Variants in TARBP1 observed in about 807,000 individuals in gnomAD.
TARBP1 encodes the protein tRNA guanosine 2 -O-methyltransferase TARBP1.
Under a neutral mutation model 178.6 loss-of-function variants are expected in TARBP1, and 144 were observed. The observed-to-expected ratio is 0.81, with a 90% CI of 0.70 to 0.93. TARBP1 has a LOEUF of 0.93. TARBP1 is among the 40% of genes least tolerant of loss of function. The probability of loss-of-function intolerance (pLI) is 0.00; values close to 1 mark genes in which losing one functional copy is unlikely to be tolerated. For synonymous variants in TARBP1, 787 were observed against 781.0 expected, an observed-to-expected ratio of 1.01 and a Z score of -0.13; for missense variants, 2,067 against 2,011.7, an observed-to-expected ratio of 1.03 and a Z score of -0.53.
chr1:234,468,175 A>T (rs1187390064), intron 3 of TARBP1, among the ~76,000 whole-genome samples: 2 of 151,956 alleles, frequency 1.3e-5, no homozygotes, highest in Non-Finnish European at 2.9e-5. Context: ...TAAATGGGCC[A>T]GGCATGGTGG....
At chr1:234,443,622 G>C (rs4920243) in intron 12 of TARBP1, among the ~76,000 whole-genome samples, 1 of 151,828 alleles carries the variant, frequency 6.6e-6, no homozygotes, top group Admixed American at 6.6e-5. Flanking sequence ...ACTTCCAAGA[G>C]AATTGAAAGC....
chr1:234,466,580 A>AAGAAGC (rs896317992), intron 4 of TARBP1, among the ~76,000 whole-genome samples: 10 of 150,498 alleles, frequency 6.6e-5, no homozygotes, highest in East Asian at 2.0e-4. Flanking sequence ...GAAGAAGAAG[A>AAGAAGC]AGCCAGGCAC....
At chr1:234,462,587 G>A (rs929592805) in intron 6 of TARBP1, among the ~76,000 whole-genome samples, 2 of 151,424 alleles carry the variant, frequency 1.3e-5, no homozygotes, top group African/African-American at 4.9e-5. Flanking sequence ...TACTCGGGAG[G>A]CTGAGGCAGG....
At chr1:234,429,086 G>A in intron 17 of TARBP1, 50 bp downstream of exon 17, 1 of 1,465,280 alleles carries the variant, frequency 6.8e-7, no homozygotes, top group South Asian at 1.5e-5. Flanking sequence ...CTCATGTGCT[G>A]AAGCTCACAC....
intron 19 of TARBP1, among the ~76,000 whole-genome samples, chr1:234,426,719 A>C (rs1332317136): frequency 6.6e-6 from 1 of 152,232 alleles, no homozygotes; most frequent in African/African-American, 2.4e-5. Context: ...GCTATTTGAC[A>C]AGCTCCAAAA....
chr1:234,451,494 T>A lies in TARBP1; in HGVS notation c.1723-928A>T, dbSNP rs2103226021. The stretch of plus-strand genomic sequence containing the variant: ...CGGGCGCGGTGGCTCACGCCTGTAA[T>A]CCCAGCACTTTGGGAGGCCGAGGCG... On this transcript the variant is annotated intron_variant, in intron 9 of 29. Coordinates refer to ENST00000040877, the MANE Select transcript of TARBP1 (RefSeq NM_005646.4). Among the ~76,000 whole-genome samples the A allele has an allele frequency of 1.2e-4, 4 of 34,370 alleles. 1 individual carries two copies. The highest frequency in any genetic ancestry group is 9.1e-4 in the African/African-American group (3 of 3,308). The allele number at this position is 34,370 out of a possible 152,430, so 22.5% of individuals were successfully genotyped here.
chr1:234,427,824 T>TGGCCGGGCGCGGTG, intron 17 of TARBP1, 58 bp from the exon 18 acceptor site: 1 of 1,228,252 alleles, frequency 8.1e-7, no homozygotes, highest in Non-Finnish European at 1.1e-6. Flanking sequence ...AAATCAGTGC[T>TGGCCGGGCGCGGTG]GCTAAAAACT....
chr1:234,391,852 C>T (rs1314042207), intron 29 of TARBP1, 107 bp from the exon 30 acceptor site: 2 of 1,149,840 alleles, frequency 1.7e-6, no homozygotes, highest in African/African-American at 3.2e-5. Context: ...CTTTGATATT[C>T]TGAATGTTAC....
At chr1:234,408,652 C>G (rs1002698749) in intron 23 of TARBP1, among the ~76,000 whole-genome samples, 1 of 152,086 alleles carries the variant, frequency 6.6e-6, no homozygotes. Flanking sequence ...CTCGTGGCCC[C>G]CACCCTGGAA....
At chr1:234,461,781 A>G (rs963918230) in intron 6 of TARBP1, among the ~76,000 whole-genome samples, 4 of 152,162 alleles carry the variant, frequency 2.6e-5, no homozygotes, top group Non-Finnish European at 5.9e-5. Context: ...TTATATTTCT[A>G]TTTTGAGATA....
chr1:234,408,078 G>A (rs1333256225), intron 23 of TARBP1: 3 of 152,120 alleles, frequency 2.0e-5, no homozygotes, highest in African/African-American at 2.4e-5. Context: ...CTTTCAGGAC[G>A]TAAATGATGC....
intron 26 of TARBP1, among the ~76,000 whole-genome samples, chr1:234,395,139 G>A (rs991350252): frequency 5.9e-5 from 9 of 152,262 alleles, no homozygotes; most frequent in Admixed American, 2.0e-4. Context: ...CACGAGAATC[G>A]CTTGAACCCG....
chr1:234,428,630 C>A (rs1664043694), intron 17 of TARBP1, among the ~76,000 whole-genome samples: 1 of 151,980 alleles, frequency 6.6e-6, no homozygotes, highest in African/African-American at 2.4e-5. Context: ...ACTGCAACCA[C>A]CGCCTCCTGG....
rs370779223 is a variant in TARBP1 at position 234,463,794 on chromosome 1, G to A, written c.1399+43C>T. Reference sequence around the variant, plus strand: ...CAATTTGCTAAAAAAAAAAGAAACTGTAAGCTAAAGCATTTTTAAAAAAAC... The same window carrying A: ...CAATTTGCTAAAAAAAAAAGAAACTATAAGCTAAAGCATTTTTAAAAAAAC... On this transcript the variant is annotated intron_variant, in intron 6 of 29. Coordinates refer to ENST00000040877, the MANE Select transcript of TARBP1 (RefSeq NM_005646.4). The A allele has an allele frequency of 8.6e-6, 10 of 1,166,374 alleles. No homozygotes were observed. In the African/African-American group the frequency reaches 1.6e-4, roughly 19 times the overall value. The allele number at this position is 1,166,374 out of a possible 1,614,324, so 72.3% of individuals were successfully genotyped here.
At chr1:234,448,098 C>G (rs1051830173) in intron 11 of TARBP1, among the ~76,000 whole-genome samples, 1 of 152,096 alleles carries the variant, frequency 6.6e-6, no homozygotes, top group African/African-American at 2.4e-5. Flanking sequence ...ACCACCACGC[C>G]CGGCTGATTT....
intron 26 of TARBP1, among the ~76,000 whole-genome samples, chr1:234,395,225 C>T (rs115432468): frequency 0.087 from 13,169 of 151,542 alleles, 636 homozygotes; most frequent in African/African-American, 0.098. Context: ...AGCGAGACTC[C>T]GTCTCAAAGA....
chr1:234,420,436 TAAA>T (rs111862696), intron 21 of TARBP1, among the ~76,000 whole-genome samples: 4,436 of 152,256 alleles, frequency 0.029, 94 homozygotes, highest in South Asian at 0.08. Flanking sequence ...TTTAAACAGT[TAAA>T]ATGTCACATT....
Position 234,446,887 on chromosome 1 carries a change from G to T in TARBP1, c.2050C>A (p.Pro684Thr). 6.2e-7 allele frequency: 1 copy of T among 1,614,008 alleles called. No homozygotes were observed. Residue 684 changes from proline (P) to threonine (T), a missense_variant, in exon 12 of 30, where the codon CCC becomes ACC. Transcript: ENST00000040877. Reference protein sequence around the residue: ...LMKFSTNAYMPLLKTDRCLQL... With the variant: ...LMKFSTNAYMTLLKTDRCLQL... ...AGGCATCTGTCAGTCTTCAGCAAGGGCATGTAGGCATTGGTACTAAACTTC... is the reference window on the plus strand; with the variant it reads ...AGGCATCTGTCAGTCTTCAGCAAGGTCATGTAGGCATTGGTACTAAACTTC...
intron 22 of TARBP1, among the ~76,000 whole-genome samples, chr1:234,416,354 G>A (rs918023711): frequency 6.6e-6 from 1 of 152,186 alleles, no homozygotes; most frequent in African/African-American, 2.4e-5. Context: ...GGAGTGCAGT[G>A]GCGTGATCCT....
Sources: gnomAD v4.1 joint callset for allele counts (sites outside exome capture counted in the v4.1 genomes callset) on GRCh38, gnomAD v4.1.1 for gene constraint, MANE v1.5 for transcripts, NCBI Gene and HGNC (gene_info 2026-07-23, HGNC 2026-07-21) for gene names.